The following RIMS3 variants were observed in gnomAD, a reference collection of about 807,000 sequenced individuals.
RIMS3 encodes the protein regulating synaptic membrane exocytosis 3.
RIMS3 carries 15 observed loss-of-function variants against 29.2 expected under a neutral mutation model. That is an observed-to-expected ratio of 0.51 (90% CI 0.34 to 0.79). RIMS3 has a LOEUF of 0.79. Among genes scored for constraint, RIMS3 ranks in the 30% least tolerant of loss-of-function variants. The pLI, the probability that RIMS3 is intolerant of heterozygous loss-of-function variation, is 0.01. For missense variants in RIMS3, 342 were observed against 421.4 expected (o/e 0.81, Z 1.65); for synonymous variants, 161 against 170.1 (o/e 0.95, Z 0.41).
At chr1:40,680,814 ATTAT>A in the RIMS3 span, among the ~76,000 whole-genome samples, 330 of 152,238 alleles carry the variant, frequency 2.2e-3, 2 homozygotes, top group African/African-American at 7.2e-3. Flanking sequence ...TGATCTATTA[ATTAT>A]TTATGACCTG....
intron 1 of RIMS3, among the ~76,000 whole-genome samples, chr1:40,660,238 A>G (rs955526770): frequency 2.6e-5 from 4 of 152,164 alleles, no homozygotes; most frequent in African/African-American, 9.7e-5. Context: ...CGGCGATGCC[A>G]GAGATGAACC....
chr1:40,683,998 C>T, the RIMS3 span, among the ~76,000 whole-genome samples: 1 of 152,206 alleles, frequency 6.6e-6, no homozygotes, highest in Admixed American at 6.5e-5. Context: ...TTATGCATGA[C>T]CCTGTCCCCC....
intron 1 of RIMS3, among the ~76,000 whole-genome samples, chr1:40,660,383 T>C (rs1056329263): frequency 1.3e-5 from 2 of 150,730 alleles, no homozygotes; most frequent in African/African-American, 4.9e-5. Flanking sequence ...GGCTTCTTTT[T>C]TTTTTTTTTT....
chr1:40,675,958 G>T, the RIMS3 span, among the ~76,000 whole-genome samples: 1 of 152,034 alleles, frequency 6.6e-6, no homozygotes, highest in African/African-American at 2.4e-5. Context: ...GTAGGTCTTG[G>T]CCAGGAAAGC....
chr1:40,664,359 G>A (rs979662529), intron 1 of RIMS3, among the ~76,000 whole-genome samples: 15 of 152,122 alleles, frequency 9.9e-5, no homozygotes, highest in African/African-American at 3.6e-4. Context: ...CTATGGTGGG[G>A]TGGGGGAGAT....
upstream of RIMS3, among the ~76,000 whole-genome samples, chr1:40,670,574 T>TTATA (rs553412097): frequency 0.07 from 4,994 of 71,072 alleles, 303 homozygotes; most frequent in South Asian, 0.083. Context: ...AGTTATAATT[T>TTATA]TATATATATA....
At chr1:40,661,514 G>A (rs1270759855) in intron 1 of RIMS3, among the ~76,000 whole-genome samples, 1 of 152,124 alleles carries the variant, frequency 6.6e-6, no homozygotes, top group Non-Finnish European at 1.5e-5. Flanking sequence ...ATTAAGTGTG[G>A]GGTCCTTCTA....
At chr1:40,691,613 T>C in the RIMS3 span, 1 of 375,036 alleles carries the variant, frequency 2.7e-6, no homozygotes, top group Non-Finnish European at 5.5e-6. Flanking sequence ...TTCCCAATTC[T>C]CGCGAGACCT....
At chr1:40,668,690 A>C (rs1183808580), upstream of RIMS3, among the ~76,000 whole-genome samples, 1 of 152,226 alleles carries the variant, frequency 6.6e-6, no homozygotes, top group East Asian at 1.9e-4. Flanking sequence ...CTTTCTAAGC[A>C]TGATGAAACC....
In RIMS3 at chr1:40,621,817, C is replaced by G. The variant is rs1377121154; in HGVS notation, c.*4700G>C. ...TCTGTTAGCCAAGCTGACTGGAACC[C>G]AGGCTCAGGGACCCTTCCTGGCATC... is the stretch of plus-strand genomic sequence containing the variant. On this transcript the variant is annotated 3_prime_UTR_variant, in exon 8 of 8. Transcript: ENST00000372684. 1 of 152,294 alleles carries G rather than the reference C, an allele frequency of 6.6e-6. No homozygotes were observed. Among genetic ancestry groups the G allele is most frequent in the East Asian group, 1.9e-4 (1 of 5,188 alleles). The allele number at this position is 152,294 out of a possible 1,614,324, so 9.4% of individuals were successfully genotyped here. A position where few individuals can be genotyped will look rare whatever the true frequency, so the allele number is the denominator to read the frequency against.
At chr1:40,641,564 C>A in intron 3 of RIMS3, 145 bp downstream of exon 3, 1 of 748,660 alleles carries the variant, frequency 1.3e-6, no homozygotes, top group Non-Finnish European at 2.2e-6. Flanking sequence ...CCTACTGGAC[C>A]TAGAACAGCA....
upstream of RIMS3, among the ~76,000 whole-genome samples, chr1:40,670,609 T>TATATATATATATATATATATAG (rs55692608): frequency 7.4e-6 from 1 of 135,814 alleles, no homozygotes; most frequent in Non-Finnish European, 1.6e-5. Context: ...TATATATATA[T>TATATATATATATATATATATAG]TTGAGATGGA....
At chr1:40,674,888 A>T in the RIMS3 span, among the ~76,000 whole-genome samples, 1 of 152,220 alleles carries the variant, frequency 6.6e-6, no homozygotes, top group Non-Finnish European at 1.5e-5. Context: ...CTGATATAGC[A>T]GCACAAAATG....
chr1:40,664,699 T>C (rs1009805729), intron 1 of RIMS3, among the ~76,000 whole-genome samples: 1 of 151,922 alleles, frequency 6.6e-6, no homozygotes, highest in African/African-American at 2.4e-5. Flanking sequence ...AGAAACCCAC[T>C]CCTCAGGGCT....
Position 40,635,875 on chromosome 1 carries a change from CGAG to C in RIMS3, c.359+38_359+40del. 1 of 1,602,528 alleles carries C rather than the reference CGAG, an allele frequency of 6.2e-7. No homozygotes were observed. Among genetic ancestry groups the C allele is most frequent in the Non-Finnish European group, 8.5e-7 (1 of 1,173,582 alleles). ...CCCAGTGGCTCTGTGACTGGAGGAC[CGAG>C]GAGGAGGGAGGGGACCACAGCACGG... On this transcript the variant is annotated intron_variant, in intron 4 of 7. Coordinates refer to ENST00000372684, the MANE Select transcript of RIMS3 (RefSeq NM_014747.3). The surrounding 1 kb of genome is among the most constrained non-coding windows in gnomAD (Gnocchi z 4.1).
rs764574360 is a variant in RIMS3 at position 40,629,348 on chromosome 1, T to C, written c.497A>G (p.Asp166Gly). Residue 166 changes from aspartate (D) to glycine (G), a missense_variant, in exon 6 of 8, where the codon GAC becomes GGC. Physicochemically the swap from Asp to Gly is moderately conservative, Grantham distance 94 (BLOSUM62 -1). Transcript: ENST00000372684. ...PMGDVHIAIM[D>G]RSGQLEVEVI... ...TTCCACCTCCAGCTGGCCACTCCGG[T>C]CCATGATGGCAATGTGCACATCTCC... The C allele has an allele frequency of 6.2e-7, 1 of 1,613,986 alleles. No homozygotes were observed. The highest frequency in any genetic ancestry group is 2.2e-5 in the East Asian group (1 of 44,886).
At chr1:40,632,981 G>A (rs942923985) in intron 5 of RIMS3, 88 bp downstream of exon 5, 12 of 973,054 alleles carry the variant, frequency 1.2e-5, no homozygotes, top group African/African-American at 4.8e-5. Context: ...TAAACTCTAC[G>A]ATGGCCAATG....
the RIMS3 span, among the ~76,000 whole-genome samples, chr1:40,676,367 C>T: frequency 1.3e-5 from 2 of 152,164 alleles, no homozygotes; most frequent in African/African-American, 4.8e-5. Flanking sequence ...TTACAGAGTG[C>T]CCCTGACATC....
the RIMS3 span, chr1:40,690,611 T>C: frequency 6.6e-6 from 1 of 152,232 alleles, no homozygotes; most frequent in Non-Finnish European, 1.5e-5. Flanking sequence ...ATTCATCAAA[T>C]AGAGTGCCTG....
Sources: gnomAD v4.1 joint callset for allele counts (sites outside exome capture counted in the v4.1 genomes callset) on GRCh38, gnomAD v4.1.1 for gene constraint, Gnocchi (gnomAD v3.1) non-coding constraint, MANE v1.5 for transcripts, NCBI Gene and HGNC (gene_info 2026-07-23, HGNC 2026-07-21) for gene names.